The following DIP2C variants were observed in gnomAD, a reference collection of about 807,000 sequenced individuals.
DIP2C encodes the protein DIP2 acetate--CoA ligase C (putative), also known as disco-interacting protein 2 homolog C.
A neutral mutation model predicts 192.4 loss-of-function variants in DIP2C; 33 were observed. That is an observed-to-expected ratio of 0.17 (90% CI 0.13 to 0.23). The LOEUF is 0.23. DIP2C is among the 10% of genes least tolerant of loss of function. The probability of loss-of-function intolerance (pLI) is 1.00; values close to 1 mark genes in which losing one functional copy is unlikely to be tolerated. For synonymous variants in DIP2C, 979 were observed against 864.1 expected (o/e 1.13, Z -2.33); for missense variants, 1,537 against 2,110.1 (o/e 0.73, Z 5.32).
intron 36 of DIP2C, among the ~76,000 whole-genome samples, chr10:278,770 T>G (rs553270467): frequency 6.6e-6 from 1 of 152,300 alleles, no homozygotes; most frequent in East Asian, 1.9e-4. Context: ...AAAAACCCGG[T>G]GCTTTACAGT....
intron 1 of DIP2C, among the ~76,000 whole-genome samples, chr10:683,320 G>A (rs575237044): frequency 2.0e-5 from 3 of 152,316 alleles, no homozygotes; most frequent in East Asian, 1.9e-4. Flanking sequence ...CACAGCAGCC[G>A]GGTTTACCAA....
chr10:438,299 C>G (rs763079143), intron 4 of DIP2C, among the ~76,000 whole-genome samples: 1 of 152,158 alleles, frequency 6.6e-6, no homozygotes, highest in Non-Finnish European at 1.5e-5. Flanking sequence ...CATCGTTTCT[C>G]TTATAAAAAG....
intron 32 of DIP2C, among the ~76,000 whole-genome samples, chr10:300,858 T>C (rs143706208): frequency 0.018 from 2,687 of 152,052 alleles, 72 homozygotes; most frequent in African/African-American, 0.062. Flanking sequence ...CCTGAGCGTG[T>C]GGAGAAACCG....
rs1179524081 is a variant in DIP2C, at chr10:348,818, TCTCC to T, written c.3110-60_3110-57del. 39 of 1,591,802 alleles carry T rather than the reference TCTCC, an allele frequency of 2.5e-5. No homozygotes were observed. In the Admixed American group the frequency reaches 5.1e-4, roughly 21 times the overall value. ...GCAGACCACGCTGCTGAGTGCACAC[TCTCC>T]CTGTCAGCATCAATGCTTGTCTGGG... On this transcript the variant is annotated intron_variant, in intron 25 of 36. Coordinates refer to ENST00000280886, the MANE Select transcript of DIP2C (RefSeq NM_014974.3).
intron 26 of DIP2C, among the ~76,000 whole-genome samples, chr10:345,633 G>A (rs370026424): frequency 6.1e-5 from 7 of 115,534 alleles, no homozygotes; most frequent in Admixed American, 8.7e-5. Flanking sequence ...GACACATCGC[G>A]CATAGTTCTC....
At chr10:548,518 G>GCA (rs1564839001) in intron 1 of DIP2C, among the ~76,000 whole-genome samples, 5 of 150,322 alleles carry the variant, frequency 3.3e-5, no homozygotes, top group African/African-American at 1.2e-4. Flanking sequence ...AGGGAGGGAG[G>GCA]GAGGCAGGCA....
chr10:465,382 A>G (rs1159088736), intron 3 of DIP2C, among the ~76,000 whole-genome samples: 4 of 150,314 alleles, frequency 2.7e-5, no homozygotes, highest in South Asian at 2.1e-4. Context: ...TTGATGGGAC[A>G]TATTTCAAAA....
At chr10:336,065 C>G (rs967482202) in intron 29 of DIP2C, among the ~76,000 whole-genome samples, 2 of 151,642 alleles carry the variant, frequency 1.3e-5, no homozygotes, top group South Asian at 4.2e-4. Flanking sequence ...ACCCGGCTAA[C>G]TAAAAAAAAA....
At chr10:551,096 C>T (rs796262971) in intron 1 of DIP2C, among the ~76,000 whole-genome samples, 32 of 152,322 alleles carry the variant, frequency 2.1e-4, no homozygotes, top group African/African-American at 7.2e-4. Flanking sequence ...CCCCGGGCCT[C>T]GGTCCTCCCT....
Position 422,056 on chromosome 10 carries a change from G to C in DIP2C, c.604+768C>G, listed in dbSNP as rs1407038244. On this transcript the variant is annotated intron_variant, in intron 5 of 36. Transcript: ENST00000280886. Reference sequence around the variant, plus strand: ...CCACTGATGATTTTTTCAGGGATCAGGTTTTCCTGCGGCAGCTGAGATACC... The same window carrying C: ...CCACTGATGATTTTTTCAGGGATCACGTTTTCCTGCGGCAGCTGAGATACC... 2.6e-5 allele frequency among the ~76,000 whole-genome samples: 4 copies of C among 152,124 alleles called. No individual in the cohort carries two copies. In the East Asian group the frequency reaches 7.7e-4, roughly 29 times the overall value.
chr10:277,745 C>T (rs998325769), intron 36 of DIP2C, among the ~76,000 whole-genome samples, 168 bp from the exon 37 acceptor site: 15 of 152,162 alleles, frequency 9.9e-5, no homozygotes, highest in African/African-American at 3.6e-4. Context: ...GTTCCCCATA[C>T]AGACTTCCTG....
Position 683,328 on chromosome 10 carries a change from C to A in DIP2C, c.85+6166G>T, listed in dbSNP as rs1831197941. ...TTCTACCCACAGCAGCCGGGTTTAC[C>A]AATTAGTCTCCCTTAAAGGGCACTG... On this transcript the variant is annotated intron_variant, in intron 1 of 36. Coordinates refer to ENST00000280886, the MANE Select transcript of DIP2C (RefSeq NM_014974.3). 3.3e-5 allele frequency among the ~76,000 whole-genome samples: 5 copies of A among 152,348 alleles called. No individual in the cohort carries two copies. In the South Asian group the frequency reaches 8.3e-4, roughly 25 times the overall value.
At chr10:598,365 C>CT (rs1851843111) in intron 1 of DIP2C, among the ~76,000 whole-genome samples, 1 of 152,244 alleles carries the variant, frequency 6.6e-6, no homozygotes, top group Admixed American at 6.5e-5. Flanking sequence ...GAGCACAAAC[C>CT]TTTCCAACCT....
intron 8 of DIP2C, among the ~76,000 whole-genome samples, chr10:411,241 A>G (rs1013011949): frequency 1.3e-5 from 2 of 152,260 alleles, no homozygotes; most frequent in Middle Eastern, 3.2e-3. Context: ...TTGGTAGGAA[A>G]GCCAGATGAA....
At chr10:676,293 C>G (rs888439771) in intron 1 of DIP2C, among the ~76,000 whole-genome samples, 10 of 152,084 alleles carry the variant, frequency 6.6e-5, no homozygotes, top group African/African-American at 2.2e-4. Context: ...GTGACAAACC[C>G]ACAGCTAACA....
chr10:422,783 TTACACAACAGGCACA>T (rs1273046034), intron 5 of DIP2C, 26 bp downstream of exon 5: 29 of 1,584,416 alleles, frequency 1.8e-5, no homozygotes, highest in Non-Finnish European at 2.4e-5. Flanking sequence ...ACAAAGGCGT[TTACACAACAGGCACA>T]GAAAGACACC....
intron 2 of DIP2C, chr10:484,891 C>T (rs1416290409): frequency 6.2e-7 from 1 of 1,611,918 alleles, no homozygotes; most frequent in South Asian, 1.1e-5. Flanking sequence ...GAATGTTCTC[C>T]TCGGCGCTCC....
intron 1 of DIP2C, among the ~76,000 whole-genome samples, chr10:526,709 CG>C (rs1427922279): frequency 6.6e-6 from 1 of 152,184 alleles, no homozygotes; most frequent in Non-Finnish European, 1.5e-5. Flanking sequence ...GCTTTAACTG[CG>C]CCTATGTGGA....
In DIP2C at chr10:678,895, C is replaced by G. The variant is rs112978717; in HGVS notation, c.85+10599G>C. Among the ~76,000 whole-genome samples, 13 of 2,664 alleles carry G rather than the reference C, an allele frequency of 4.9e-3. 1 individual carries two copies. Among genetic ancestry groups the G allele is most frequent in the Non-Finnish European group, 0.02 (5 of 248 alleles). 1.7% of individuals were successfully genotyped at this position (2,664 alleles called of 152,430 possible). On this transcript the variant is annotated intron_variant, in intron 1 of 36. Coordinates refer to ENST00000280886, the MANE Select transcript of DIP2C (RefSeq NM_014974.3). ...CATGCTCCCCGCACCCATCCTCCCC[C>G]CACCCATGCTCCCCGCGCCCATGCT... is the stretch of plus-strand genomic sequence containing the variant.
Sources: gnomAD v4.1 joint callset for allele counts (sites outside exome capture counted in the v4.1 genomes callset) on GRCh38, gnomAD v4.1.1 for gene constraint, MANE v1.5 for transcripts, NCBI Gene and HGNC (gene_info 2026-07-23, HGNC 2026-07-21) for gene names.